CTDSPL2: variants seen among roughly 807,000 people sequenced by gnomAD.
CTDSPL2 encodes the protein CTD small phosphatase like 2.
A neutral mutation model predicts 60.0 loss-of-function variants in CTDSPL2; 5 were observed. That is an observed-to-expected ratio of 0.08 (90% confidence interval 0.04 to 0.18). The LOEUF (loss-of-function observed/expected upper bound fraction) is 0.18, where lower values mean the gene tolerates loss of function less well. CTDSPL2 is among the 10% of genes least tolerant of loss of function. The probability of loss-of-function intolerance (pLI) is 1.00; values close to 1 mark genes in which losing one functional copy is unlikely to be tolerated. For synonymous variants in CTDSPL2, 186 were observed against 189.3 expected, an observed-to-expected ratio of 0.98 and a Z score of 0.14; for missense variants, 370 against 548.8, an observed-to-expected ratio of 0.67 and a Z score of 3.26.
chr15:44,515,670 A>G (rs1261340783), intron 10 of CTDSPL2, among the ~76,000 whole-genome samples: 1 of 152,138 alleles, frequency 6.6e-6, no homozygotes, highest in African/African-American at 2.4e-5. Flanking sequence ...CAGGAGTTCA[A>G]GGCCAGCCTC....
chr15:44,448,048 C>T, intron 1 of CTDSPL2: 1 of 239,998 alleles, frequency 4.2e-6, no homozygotes, highest in Non-Finnish European at 8.6e-6. Context: ...GTTGTTGGCA[C>T]CTATGTGCTC....
intron 1 of CTDSPL2, among the ~76,000 whole-genome samples, chr15:44,434,621 T>G (rs2079935613): frequency 6.6e-6 from 1 of 152,182 alleles, no homozygotes; most frequent in South Asian, 2.1e-4. Flanking sequence ...CTTGAACTCT[T>G]AGTCTCAAGT....
chr15:44,478,619 C>A lies in CTDSPL2; in HGVS notation c.187-5605C>A, dbSNP rs1252814786. Among the ~76,000 whole-genome samples the A allele has an allele frequency of 2.0e-5, 3 of 152,030 alleles. No homozygotes were observed. The East Asian group carries it at 5.8e-4, about 29-fold the overall frequency. The stretch of plus-strand genomic sequence containing the variant: ...ATTTTAAATGTTATTCTATTTTCTT[C>A]CAACATGAAAAGCGTTTCTGTCAAA... On this transcript the variant is annotated intron_variant, in intron 2 of 12. Coordinates refer to ENST00000260327, the MANE Select transcript of CTDSPL2 (RefSeq NM_016396.3).
intron 2 of CTDSPL2, among the ~76,000 whole-genome samples, chr15:44,480,081 C>T (rs1046982165): frequency 1.3e-5 from 2 of 152,172 alleles, no homozygotes; most frequent in African/African-American, 4.8e-5. Context: ...ACTCCCAATA[C>T]TTCCTCCTAA....
chr15:44,442,978 A>G (rs1255304695), intron 1 of CTDSPL2, among the ~76,000 whole-genome samples: 2 of 148,684 alleles, frequency 1.3e-5, no homozygotes, highest in Admixed American at 1.3e-4. Context: ...CCGTGTCTCA[A>G]AAAAAAAAAA....
intron 2 of CTDSPL2, among the ~76,000 whole-genome samples, chr15:44,480,656 G>A (rs1296905306): frequency 6.6e-6 from 1 of 152,030 alleles, no homozygotes; most frequent in Non-Finnish European, 1.5e-5. Flanking sequence ...AACATAGCGA[G>A]ACCCTGTCTC....
intron 8 of CTDSPL2, among the ~76,000 whole-genome samples, chr15:44,509,596 A>G (rs1252280370): frequency 2.6e-5 from 4 of 152,198 alleles, no homozygotes; most frequent in Non-Finnish European, 5.9e-5. Context: ...ACACACAAAA[A>G]AATAGACCAT....
intron 2 of CTDSPL2, among the ~76,000 whole-genome samples, chr15:44,463,008 C>T (rs1477076286): frequency 6.6e-6 from 1 of 151,370 alleles, no homozygotes; most frequent in East Asian, 2.0e-4. Context: ...CCCAGCCACT[C>T]AGGAGGATTT....
At chr15:44,502,465 G>A (rs569641302) in intron 8 of CTDSPL2, among the ~76,000 whole-genome samples, 1 of 151,986 alleles carries the variant, frequency 6.6e-6, no homozygotes, top group African/African-American at 2.4e-5. Context: ...TCTATATCAG[G>A]GGTTGGCAAC....
chr15:44,497,843 A>G (rs1201631926), intron 7 of CTDSPL2, among the ~76,000 whole-genome samples: 1 of 152,072 alleles, frequency 6.6e-6, no homozygotes, highest in African/African-American at 2.4e-5. Flanking sequence ...CTAGAAATTC[A>G]AAAATTAGCT....
At chr15:44,462,342 C>T (rs1267905476) in intron 2 of CTDSPL2, among the ~76,000 whole-genome samples, 1 of 152,132 alleles carries the variant, frequency 6.6e-6, no homozygotes, top group Non-Finnish European at 1.5e-5. Context: ...ACAGCAGTCC[C>T]CAACCGTTTT....
chr15:44,448,287 C>A (rs1164667566), intron 1 of CTDSPL2: 43 of 279,278 alleles, frequency 1.5e-4, no homozygotes, highest in Non-Finnish European at 2.2e-5. Context: ...TGCTAGAGGC[C>A]ATTTGGTCAA....
At chr15:44,465,778 A>G (rs924624646) in intron 2 of CTDSPL2, among the ~76,000 whole-genome samples, 2 of 148,424 alleles carry the variant, frequency 1.3e-5, no homozygotes, top group East Asian at 4.0e-4. Flanking sequence ...CAGTGGTACA[A>G]TCTGGGCTCA....
chr15:44,523,370 C>T (rs1245228764), intron 12 of CTDSPL2, among the ~76,000 whole-genome samples: 1 of 151,458 alleles, frequency 6.6e-6, no homozygotes, highest in Non-Finnish European at 1.5e-5. Flanking sequence ...GCCAGGGCAA[C>T]ATAGTGAGAC....
chr15:44,444,801 G>T (rs1489114086), intron 1 of CTDSPL2, among the ~76,000 whole-genome samples: 1 of 143,322 alleles, frequency 7.0e-6, no homozygotes, highest in Non-Finnish European at 1.5e-5. Flanking sequence ...TTTAGTAGGG[G>T]TACAGATAGG....
chr15:44,499,645 G>T, intron 7 of CTDSPL2, 82 bp from the exon 8 acceptor site: 1 of 786,164 alleles, frequency 1.3e-6, no homozygotes. Flanking sequence ...GTGCTTTAGT[G>T]TTTTGGTGAT....
chr15:44,522,999 T>C (rs1274151503), intron 12 of CTDSPL2, among the ~76,000 whole-genome samples: 3 of 151,986 alleles, frequency 2.0e-5, no homozygotes, highest in Non-Finnish European at 4.4e-5. Flanking sequence ...TCCCACTGTT[T>C]TTTGTTTGTT....
At chr15:44,485,303 A>G (rs569199105) in intron 3 of CTDSPL2, among the ~76,000 whole-genome samples, 16 of 152,358 alleles carry the variant, frequency 1.1e-4, no homozygotes, top group African/African-American at 3.6e-4. Context: ...AGTCAAAAAG[A>G]AGGAGAATAG....
chr15:44,448,751 G>A, intron 1 of CTDSPL2: 1 of 353,470 alleles, frequency 2.8e-6, no homozygotes. Context: ...TGCCCTCCTG[G>A]TCCTAACCCT....
Sources: allele counts gnomAD v4.1 joint callset (sites outside exome capture counted in the v4.1 genomes callset), GRCh38; gene constraint gnomAD v4.1.1; transcripts MANE v1.5; gene names NCBI Gene and HGNC (gene_info 2026-07-23, HGNC 2026-07-21).